The following CFAP43 variants were observed in gnomAD, a reference collection of about 807,000 sequenced individuals.
The protein encoded by CFAP43 is cilia- and flagella-associated protein 43.
In CFAP43, 155 loss-of-function variants were observed where a neutral mutation model predicts 218.9. That is an observed-to-expected ratio of 0.71 (90% CI 0.62 to 0.81). CFAP43 has a LOEUF of 0.81. Among genes scored for constraint, CFAP43 ranks in the 30% least tolerant of loss-of-function variants. The probability of loss-of-function intolerance (pLI) is 0.00; values close to 1 mark genes in which losing one functional copy is unlikely to be tolerated. For missense variants in CFAP43, 1,778 were observed against 1,954.3 expected, an observed-to-expected ratio of 0.91 and a Z score of 1.70; for synonymous variants, 645 against 681.3, an observed-to-expected ratio of 0.95 and a Z score of 0.83.
At chr10:104,203,306 C>G (rs954113315) in intron 8 of CFAP43, 1 of 215,646 alleles carries the variant, frequency 4.6e-6, no homozygotes, top group Non-Finnish European at 9.0e-6. Context: ...CCAGGGACAT[C>G]AAGCAGGCAG....
At position 104,193,982 on chromosome 10, in the gene CFAP43, G is replaced by A; in HGVS notation, c.1326C>T (p.Leu442=). 1 of 1,613,980 alleles carries A rather than the reference G, an allele frequency of 6.2e-7. No homozygotes were observed. The highest frequency in any genetic ancestry group is 8.5e-7 in the Non-Finnish European group (1 of 1,180,028). The change falls in exon 11 of 38, where the codon CTC becomes CTT. Residue 442 remains leucine (L), a synonymous_variant. Transcript: ENST00000357060. ...CATCCTCCGTGCCCACGGCTGCAGAGAGGGAGGATGGACAGCAAGCCAGAA... is the reference window on the plus strand; with the variant it reads ...CATCCTCCGTGCCCACGGCTGCAGAAAGGGAGGATGGACAGCAAGCCAGAA... ...ATVLACCPSS[L]SAAVGTEDGS...
chr10:104,131,183 C>G, intron 37 of CFAP43, 148 bp downstream of exon 37: 1 of 1,004,850 alleles, frequency 1.0e-6, no homozygotes, highest in Non-Finnish European at 1.4e-6. Flanking sequence ...ACATGTACTC[C>G]CTGAATCTAA....
Position 104,230,861 on chromosome 10 carries a change from T to A in CFAP43, c.66-18A>T. ...GCACCCATCTTTGGGAAAAGATATG[T>A]CAACATCAATATAATACATTTCAAA... is the stretch of plus-strand genomic sequence containing the variant. On this transcript the variant is annotated intron_variant, in intron 1 of 37. Coordinates refer to ENST00000357060, the MANE Select transcript of CFAP43 (RefSeq NM_025145.7). 1 of 1,592,240 alleles carries A rather than the reference T, an allele frequency of 6.3e-7. No homozygotes were observed. Among genetic ancestry groups the A allele is most frequent in the South Asian group, 1.1e-5 (1 of 86,988 alleles).
chr10:104,158,099 G>A (rs1166782119), intron 27 of CFAP43, among the ~76,000 whole-genome samples: 2 of 151,984 alleles, frequency 1.3e-5, no homozygotes, highest in Non-Finnish European at 2.9e-5. Context: ...CCTCTGGTAG[G>A]GCAGAGGAAA....
At chr10:104,204,916 T>C (rs987391747) in intron 7 of CFAP43, among the ~76,000 whole-genome samples, 2 of 152,108 alleles carry the variant, frequency 1.3e-5, no homozygotes, top group African/African-American at 4.8e-5. Flanking sequence ...TACAATGGCA[T>C]GGAAAAACAT....
At position 104,230,814 on chromosome 10, in the gene CFAP43, AC is replaced by A. The variant is rs1311428451; in HGVS notation, c.94del (p.Val32PhefsTer17). ...AATGGTGTTGTCGTTGACAAAATGAACATTCTGCTTAGGGAATCCTTGCACC... is the reference window on the plus strand; with the variant it reads ...AATGGTGTTGTCGTTGACAAAATGAAATTCTGCTTAGGGAATCCTTGCACC... ...RWVQGFPKQN[V>X]HFVNDNTICY... On this transcript the variant is annotated frameshift_variant, in exon 2 of 38. Transcript: ENST00000357060. LOFTEE classifies it high-confidence loss of function. 1 of 1,613,510 alleles carries A rather than the reference AC, an allele frequency of 6.2e-7. No homozygotes were observed. The highest frequency in any genetic ancestry group is 8.5e-7 in the Non-Finnish European group (1 of 1,179,868).
intron 4 of CFAP43, 78 bp downstream of exon 4, chr10:104,214,181 C>T: frequency 7.1e-7 from 1 of 1,404,192 alleles, no homozygotes; most frequent in Non-Finnish European, 9.5e-7. Flanking sequence ...CCACTTAATT[C>T]ATCAAATTGA....
chr10:104,191,249 T>C (rs1411947091), intron 12 of CFAP43, among the ~76,000 whole-genome samples: 1 of 152,232 alleles, frequency 6.6e-6, no homozygotes, highest in Non-Finnish European at 1.5e-5. Flanking sequence ...AATTCCAGAC[T>C]CTTTGGAATG....
chr10:104,158,886 A>T (rs1443828288), intron 27 of CFAP43, among the ~76,000 whole-genome samples: 1 of 152,166 alleles, frequency 6.6e-6, no homozygotes, highest in African/African-American at 2.4e-5. Context: ...ACTGATGTGC[A>T]CAGGTATACA....
chr10:104,170,904 G>A (rs955948840), intron 20 of CFAP43, among the ~76,000 whole-genome samples: 2 of 151,992 alleles, frequency 1.3e-5, no homozygotes, highest in African/African-American at 2.4e-5. Flanking sequence ...TCCCATCCAC[G>A]ATGCTTCAGC....
At chr10:104,208,247 C>T (rs2090755936) in intron 5 of CFAP43, among the ~76,000 whole-genome samples, 1 of 152,038 alleles carries the variant, frequency 6.6e-6, no homozygotes, top group Admixed American at 6.5e-5. Context: ...GACATCTAAC[C>T]TTAAACTATA....
chr10:104,221,622 C>A (rs1177323658), intron 3 of CFAP43, among the ~76,000 whole-genome samples: 1 of 152,112 alleles, frequency 6.6e-6, no homozygotes. Flanking sequence ...TATAAGCCAC[C>A]CAGTCTATGG....
At chr10:104,133,328 G>A (rs1204500689) in intron 35 of CFAP43, 1 of 233,250 alleles carries the variant, frequency 4.3e-6, no homozygotes, top group Non-Finnish European at 8.2e-6. Context: ...GGTGATGAAA[G>A]CCAAAGGAAT....
In CFAP43 at chr10:104,230,661, G is replaced by A; in HGVS notation, c.248C>T (p.Ser83Phe). The change falls in exon 2 of 38, where the codon TCT becomes TTT. Residue 83 changes from serine (S) to phenylalanine (F), a missense_variant. By Grantham distance (155) the Ser-to-Phe change is radical (BLOSUM62 -2). Transcript: ENST00000357060. Reference sequence around the variant, plus strand: ...GATGAGAGGTTTTAGCTTCCGGTCAGAAAAAGCCACAACTTCACAGGGGAT... The same window carrying A: ...GATGAGAGGTTTTAGCTTCCGGTCAAAAAAAGCCACAACTTCACAGGGGAT... The part of the protein sequence containing the change: ...TNIPCEVVAF[S>F]DRKLKPLIYV... The A allele has an allele frequency of 6.2e-7, 1 of 1,614,100 alleles. No homozygotes were observed. Among genetic ancestry groups the A allele is most frequent in the Non-Finnish European group, 8.5e-7 (1 of 1,180,016 alleles).
At chr10:104,207,088 G>A (rs971240062) in intron 6 of CFAP43, among the ~76,000 whole-genome samples, 11 of 152,018 alleles carry the variant, frequency 7.2e-5, no homozygotes, top group African/African-American at 1.4e-4. Context: ...ACACGAGATC[G>A]CTTGAACCCA....
Position 104,179,843 on chromosome 10 carries a change from T to G in CFAP43, c.2379A>C (p.Gln793His), listed in dbSNP as rs754718369. 2.5e-6 allele frequency: 4 copies of G among 1,612,704 alleles called. No individual in the cohort carries two copies. In the Admixed American group the frequency reaches 5.0e-5, roughly 20 times the overall value. Residue 793 changes from glutamine to histidine, a missense_variant, in exon 18 of 38, where the codon CAA becomes CAC. Coordinates refer to ENST00000357060, the MANE Select transcript of CFAP43 (RefSeq NM_025145.7). ...KEIPWIQQKS[Q>H]EAIKKEVNLF... ...CTACCCCATGTTTCACAAATACCTC[T>G]TGGCTTTTTTGTTGTATCCAAGGAA...
intron 15 of CFAP43, among the ~76,000 whole-genome samples, chr10:104,185,667 A>G (rs1445310726): frequency 1.3e-5 from 2 of 152,234 alleles, no homozygotes; most frequent in Non-Finnish European, 2.9e-5. Flanking sequence ...ATAGGGCAAC[A>G]ATTTAAAAAC....
intron 34 of CFAP43, among the ~76,000 whole-genome samples, chr10:104,139,212 A>AAT (rs1391819178): frequency 6.6e-6 from 1 of 152,226 alleles, no homozygotes; most frequent in Non-Finnish European, 1.5e-5. Context: ...ATGAGTATGG[A>AAT]ATATCTAAGA....
chr10:104,138,536 G>T (rs1055814618), intron 34 of CFAP43, among the ~76,000 whole-genome samples: 2 of 152,128 alleles, frequency 1.3e-5, no homozygotes, highest in Non-Finnish European at 2.9e-5. Flanking sequence ...TTAGCCAGGT[G>T]TGGTGGCGCA....
Sources: gnomAD v4.1 joint callset for allele counts (sites outside exome capture counted in the v4.1 genomes callset) on GRCh38, gnomAD v4.1.1 for gene constraint, MANE v1.5 for transcripts, NCBI Gene and HGNC (gene_info 2026-07-23, HGNC 2026-07-21) for gene names.